The following LIAT1 variants were observed in gnomAD, a reference collection of about 807,000 sequenced individuals.
The protein encoded by LIAT1 is protein LIAT1.
the LIAT1 span, chr17:413,464 C>T: frequency 4.5e-4 from 715 of 1,601,610 alleles, 4 homozygotes; most frequent in Non-Finnish European, 5.6e-4. Context: ...GCTTCCACCC[C>T]GACCCCGAGG....
chr17:410,387 C>G, the LIAT1 span: 1 of 1,523,780 alleles, frequency 6.6e-7, no homozygotes, highest in Non-Finnish European at 8.7e-7. Context: ...CTGAGAGTCG[C>G]CGATTAGTCG....
chr17:413,293 C>T, the LIAT1 span: 15 of 1,614,124 alleles, frequency 9.3e-6, no homozygotes, highest in Middle Eastern at 1.6e-4. Flanking sequence ...ACTCCTCCAC[C>T]GTCAGCCTCC....
chr17:414,302 A>ATT, the LIAT1 span: 1 of 649,752 alleles, frequency 1.5e-6, no homozygotes. This position sits in a 1 kb window ranked among gnomAD's most constrained non-coding sequence, Gnocchi z 4.1. Context: ...GTGCCTTGAG[A>ATT]ACATAAGCAA....
chr17:412,248 G>T, the LIAT1 span, among the ~76,000 whole-genome samples: 12 of 151,762 alleles, frequency 7.9e-5, no homozygotes, highest in African/African-American at 2.7e-4. Context: ...GTTGCAGTGA[G>T]CCAAGATTGT....
the LIAT1 span, chr17:410,758 C>A: frequency 4.1e-6 from 4 of 966,164 alleles, no homozygotes; most frequent in Admixed American, 9.9e-5. Flanking sequence ...TGGTCCCGGA[C>A]CGAGGTCCTC....
At chr17:412,993 G>C in the LIAT1 span, 4 of 726,280 alleles carry the variant, frequency 5.5e-6, no homozygotes, top group African/African-American at 5.3e-5. Flanking sequence ...AATCACACAG[G>C]CAGGTGGGCA....
the LIAT1 span, chr17:410,669 C>G: frequency 2.0e-6 from 3 of 1,534,614 alleles, no homozygotes; most frequent in Middle Eastern, 1.7e-4. Context: ...GCTAGCCCGG[C>G]TGCGTCAGCT....
chr17:410,780 A>G, the LIAT1 span: 1 of 769,420 alleles, frequency 1.3e-6, no homozygotes, highest in Non-Finnish European at 2.1e-6. Context: ...TGCTCCCCAC[A>G]CATGCCCGTC....
chr17:412,548 A>G, the LIAT1 span, among the ~76,000 whole-genome samples: 1 of 152,076 alleles, frequency 6.6e-6, no homozygotes, highest in South Asian at 2.1e-4. Context: ...TGTGCATGTT[A>G]AATAATTCTG....
the LIAT1 span, chr17:414,244 C>T: frequency 1.7e-6 from 2 of 1,179,406 alleles, no homozygotes; most frequent in Admixed American, 4.6e-5. This position sits in a 1 kb window ranked among gnomAD's most constrained non-coding sequence, Gnocchi z 4.1. Flanking sequence ...ACGGACGACG[C>T]CGACTCTCCC....
At chr17:411,129 G>GT in the LIAT1 span, among the ~76,000 whole-genome samples, 1 of 152,184 alleles carries the variant, frequency 6.6e-6, no homozygotes, top group Non-Finnish European at 1.5e-5. Context: ...TGGATGCGCG[G>GT]TAGACACCCA....
At chr17:410,515 G>C in the LIAT1 span, 3 of 1,545,484 alleles carry the variant, frequency 1.9e-6, no homozygotes, top group African/African-American at 1.4e-5. Flanking sequence ...GAGGAGGAGC[G>C]GGAGGGCGGC....
At chr17:411,849 C>T in the LIAT1 span, among the ~76,000 whole-genome samples, 5 of 152,192 alleles carry the variant, frequency 3.3e-5, no homozygotes, top group Non-Finnish European at 4.4e-5. Flanking sequence ...AGGCCACTGT[C>T]GCCCGTGTGG....
At chr17:412,597 C>A in the LIAT1 span, among the ~76,000 whole-genome samples, 1 of 152,088 alleles carries the variant, frequency 6.6e-6, no homozygotes, top group Non-Finnish European at 1.5e-5. Context: ...CAGTACAAGC[C>A]ATACAGCAGA....
the LIAT1 span, chr17:413,795 G>A: frequency 2.0e-6 from 3 of 1,531,424 alleles, no homozygotes; most frequent in South Asian, 3.6e-5. Flanking sequence ...TTTCCACACT[G>A]ACCCCGAGGC....
the LIAT1 span, among the ~76,000 whole-genome samples, chr17:412,602 A>G: frequency 6.6e-6 from 1 of 152,206 alleles, no homozygotes; most frequent in South Asian, 2.1e-4. Flanking sequence ...CAAGCCATAC[A>G]GCAGAAGTAT....
At chr17:413,204 A>G in the LIAT1 span, 3 of 1,614,064 alleles carry the variant, frequency 1.9e-6, no homozygotes, top group Non-Finnish European at 1.7e-6. Context: ...CTTTCATGAC[A>G]TCTTAAGTCC....
chr17:410,358 C>A, the LIAT1 span: 3 of 1,500,390 alleles, frequency 2.0e-6, no homozygotes, highest in Non-Finnish European at 2.6e-6. Context: ...GACGCGTGGC[C>A]CTGGCCTGGC....
At chr17:410,432 G>A in the LIAT1 span, 2 of 1,539,266 alleles carry the variant, frequency 1.3e-6, no homozygotes, top group Non-Finnish European at 1.7e-6. Context: ...GGCGGGTTGG[G>A]TTGCAGCCCA....
Sources: gnomAD v4.1 joint callset for allele counts (sites outside exome capture counted in the v4.1 genomes callset) on GRCh38, gnomAD v4.1.1 for gene constraint, Gnocchi (gnomAD v3.1) non-coding constraint, MANE v1.5 for transcripts, NCBI Gene and HGNC (gene_info 2026-07-23, HGNC 2026-07-21) for gene names.